WWOX: variants seen among roughly 807,000 people sequenced by gnomAD.
The protein encoded by WWOX is WW domain-containing oxidoreductase.
In WWOX, 69 loss-of-function variants were observed where a neutral mutation model predicts 46.2. The observed-to-expected ratio is 1.49, with a 90% CI of 1.23 to 1.82. The LOEUF (loss-of-function observed/expected upper bound fraction) is 1.82, where lower values mean the gene tolerates loss of function less well. Among genes scored for constraint, WWOX ranks in the 40% most tolerant of loss-of-function variants. The pLI is 0.00. For missense variants in WWOX, 919 were observed against 542.6 expected, an observed-to-expected ratio of 1.69 and a Z score of -6.89; for synonymous variants, 359 against 202.6, an observed-to-expected ratio of 1.77 and a Z score of -6.56.
chr16:79,131,115 A>G (rs527574067), intron 8 of WWOX, among the ~76,000 whole-genome samples: 1 of 152,100 alleles, frequency 6.6e-6, no homozygotes, highest in East Asian at 1.9e-4. Flanking sequence ...AGTTGGACAG[A>G]CTCCATGCTG....
chr16:78,612,967 C>T lies in WWOX; in HGVS notation c.1056+180215C>T, dbSNP rs577401872. Among the ~76,000 whole-genome samples, 18 of 152,302 alleles carry T rather than the reference C, an allele frequency of 1.2e-4. 1 individual carries two copies. In the South Asian group the frequency reaches 3.5e-3, roughly 30 times the overall value. On this transcript the variant is annotated intron_variant, in intron 8 of 8. Transcript: ENST00000566780. The stretch of plus-strand genomic sequence containing the variant: ...GCTCTGGGGTCACTACCAACCTTGC[C>T]TTTCACCCTACCTGTGGATCTATGA...
At chr16:78,578,254 T>TTATACATATATATATATATATA (rs1555567047) in intron 8 of WWOX, among the ~76,000 whole-genome samples, 13 of 31,630 alleles carry the variant, frequency 4.1e-4, no homozygotes, top group Non-Finnish European at 7.2e-4. Flanking sequence ...ATACCAAATT[T>TTATACATATATATATATATATA]TATATATATA....
chr16:78,209,947 A>G (rs2036506523), intron 5 of WWOX, among the ~76,000 whole-genome samples: 1 of 152,174 alleles, frequency 6.6e-6, no homozygotes, highest in South Asian at 2.1e-4. Flanking sequence ...ATTGCCACAC[A>G]GGGAATGAAA....
At chr16:78,562,186 T>G (rs372906678) in intron 8 of WWOX, among the ~76,000 whole-genome samples, 6 of 152,166 alleles carry the variant, frequency 3.9e-5, no homozygotes, top group Admixed American at 2.6e-4. Context: ...TCAAACTGTT[T>G]CGTGGTGGAG....
intron 8 of WWOX, among the ~76,000 whole-genome samples, chr16:79,183,397 G>A (rs2050950910): frequency 6.6e-6 from 1 of 152,220 alleles, no homozygotes; most frequent in South Asian, 2.1e-4. Flanking sequence ...GCTATGAAAT[G>A]CTAGCGCAGA....
At chr16:78,132,415 A>G (rs1291712334) in intron 4 of WWOX, among the ~76,000 whole-genome samples, 2 of 152,250 alleles carry the variant, frequency 1.3e-5, no homozygotes, top group African/African-American at 4.8e-5. Flanking sequence ...GAGTGAGTGC[A>G]GAGTCACCAT....
intron 5 of WWOX, among the ~76,000 whole-genome samples, chr16:78,370,731 T>C (rs1451307070): frequency 6.9e-6 from 1 of 145,620 alleles, no homozygotes; most frequent in East Asian, 2.2e-4. Flanking sequence ...CATCTGCCAA[T>C]GTGAGTTTTA....
intron 8 of WWOX, among the ~76,000 whole-genome samples, chr16:79,198,162 T>TA (rs796343068): frequency 0.035 from 4,686 of 135,592 alleles, 181 homozygotes; most frequent in African/African-American, 0.1. Flanking sequence ...CCGTCTCTAC[T>TA]AAAAAAAAAA....
chr16:78,334,824 A>G (rs1050630612), intron 5 of WWOX, among the ~76,000 whole-genome samples: 16 of 109,180 alleles, frequency 1.5e-4, no homozygotes, highest in Middle Eastern at 9.4e-3. Context: ...ACACACACAC[A>G]CACACACATA....
In WWOX at chr16:78,952,384, G is replaced by GTT. The variant is rs11449740; in HGVS notation, c.1057-259210_1057-259209dup. Among the ~76,000 whole-genome samples the GTT allele has an allele frequency of 3.1e-3, 436 of 141,814 alleles. 1 individual carries two copies. Among genetic ancestry groups the GTT allele is most frequent in the African/African-American group, 7.1e-3 (277 of 38,896 alleles). The allele number at this position is 141,814 out of a possible 152,430, so 93.0% of individuals were successfully genotyped here. On this transcript the variant is annotated intron_variant, in intron 8 of 8. Transcript: ENST00000566780. ...ACATTTTTGTTTTTTTGTTTTTTGA[G>GTT]TTTTTTTTTTTTTTTGAGACAAAAG...
intron 8 of WWOX, among the ~76,000 whole-genome samples, chr16:79,039,466 A>G (rs1015237119): frequency 6.6e-6 from 1 of 152,124 alleles, no homozygotes; most frequent in African/African-American, 2.4e-5. Flanking sequence ...GCTGTGCAGA[A>G]CCAGAGGCGA....
chr16:78,168,437 CTT>C (rs80004274), intron 5 of WWOX: 53 of 137,722 alleles, frequency 3.8e-4, no homozygotes, highest in Non-Finnish European at 3.3e-4. Flanking sequence ...TGGTGTTTTT[CTT>C]TTTTTTTTTT....
intron 7 of WWOX, among the ~76,000 whole-genome samples, chr16:78,427,461 A>C (rs1219592839): frequency 6.6e-6 from 1 of 151,998 alleles, no homozygotes; most frequent in African/African-American, 2.4e-5. Flanking sequence ...TGGTTGAACA[A>C]CCCTCAATGG....
At chr16:78,484,577 G>A (rs1322553024) in intron 8 of WWOX, among the ~76,000 whole-genome samples, 1 of 152,210 alleles carries the variant, frequency 6.6e-6, no homozygotes, top group East Asian at 1.9e-4. Flanking sequence ...TTAAGCAGAA[G>A]TTGGGTTTTA....
intron 8 of WWOX, among the ~76,000 whole-genome samples, chr16:78,999,020 A>G (rs2047043411): frequency 6.6e-6 from 1 of 152,228 alleles, no homozygotes; most frequent in South Asian, 2.1e-4. Context: ...CTAGGAACCA[A>G]ATGGCTGTGA....
chr16:78,218,145 C>T (rs1416870816), intron 5 of WWOX, among the ~76,000 whole-genome samples: 3 of 152,118 alleles, frequency 2.0e-5, no homozygotes, highest in African/African-American at 7.2e-5. Context: ...GCCTGTAACT[C>T]CCAGACTGAA....
chr16:78,954,451 A>G (rs1425731460), intron 8 of WWOX, among the ~76,000 whole-genome samples: 1 of 152,224 alleles, frequency 6.6e-6, no homozygotes, highest in Non-Finnish European at 1.5e-5. Context: ...GCATGGATAG[A>G]TGAATGGTGA....
At chr16:78,924,570 T>G (rs2045455694) in intron 8 of WWOX, among the ~76,000 whole-genome samples, 1 of 152,194 alleles carries the variant, frequency 6.6e-6, no homozygotes, top group Non-Finnish European at 1.5e-5. Context: ...CCACTGTTGT[T>G]AGGAGGATAA....
chr16:78,928,396 G>A (rs962504095), intron 8 of WWOX, among the ~76,000 whole-genome samples: 8 of 151,608 alleles, frequency 5.3e-5, no homozygotes, highest in Non-Finnish European at 1.2e-4. Context: ...TAGAGACGGG[G>A]TTTCACCGTG....
Sources: allele counts gnomAD v4.1 joint callset (sites outside exome capture counted in the v4.1 genomes callset), GRCh38; gene constraint gnomAD v4.1.1; transcripts MANE v1.5; gene names NCBI Gene and HGNC (gene_info 2026-07-23, HGNC 2026-07-21).